The following TACR3 variants were observed in gnomAD, a reference collection of about 807,000 sequenced individuals.
TACR3 encodes tachykinin receptor 3.
A neutral mutation model predicts 35.0 loss-of-function variants in TACR3; 34 were observed. That is an observed-to-expected ratio of 0.97 (90% CI 0.74 to 1.30). The LOEUF is 1.30. TACR3 is among the 50% of genes most tolerant of loss of function. TACR3 has a pLI of 0.00. For synonymous variants in TACR3, 233 were observed against 221.1 expected, an observed-to-expected ratio of 1.05 and a Z score of -0.48; for missense variants, 558 against 591.7, an observed-to-expected ratio of 0.94 and a Z score of 0.59.
intron 3 of TACR3, 120 bp downstream of exon 3, chr4:103,656,074 A>T (rs1188686237): frequency 5.5e-6 from 7 of 1,261,442 alleles, no homozygotes; most frequent in Non-Finnish European, 7.9e-6. Context: ...TAAAACAAAG[A>T]CATTAAAAAC....
chr4:103,715,692 A>G (rs974602830), intron 1 of TACR3, among the ~76,000 whole-genome samples: 5 of 152,206 alleles, frequency 3.3e-5, no homozygotes, highest in African/African-American at 1.2e-4. Flanking sequence ...ATGTTATAAT[A>G]AAACTTCCTA....
At chr4:103,660,711 A>G (rs372263865) in intron 1 of TACR3, among the ~76,000 whole-genome samples, 31 of 152,102 alleles carry the variant, frequency 2.0e-4, no homozygotes, top group African/African-American at 7.5e-4. Flanking sequence ...GCTTACAGAA[A>G]GAGAAAAGAA....
At chr4:103,603,960 AC>A (rs1390936918) in intron 3 of TACR3, among the ~76,000 whole-genome samples, 1 of 152,220 alleles carries the variant, frequency 6.6e-6, no homozygotes, top group African/African-American at 2.4e-5. Context: ...AAATGGCCAT[AC>A]TGCCCAAAGT....
At chr4:103,619,405 G>A (rs1029078052) in intron 3 of TACR3, among the ~76,000 whole-genome samples, 1 of 152,134 alleles carries the variant, frequency 6.6e-6, no homozygotes, top group African/African-American at 2.4e-5. Flanking sequence ...GGCCAGGCTG[G>A]TCTTGAACTC....
chr4:103,682,268 T>G (rs1051204919), intron 1 of TACR3, among the ~76,000 whole-genome samples: 1 of 151,956 alleles, frequency 6.6e-6, no homozygotes, highest in Non-Finnish European at 1.5e-5. Context: ...TGTAGCTGGG[T>G]GTATTAGTCT....
Position 103,647,007 on chromosome 4 carries a change from T to C in TACR3, c.888+9187A>G, listed in dbSNP as rs528940869. Among the ~76,000 whole-genome samples the C allele has an allele frequency of 5.3e-5, 8 of 152,080 alleles. No individual in the cohort carries two copies. In the South Asian group the frequency reaches 1.0e-3, roughly 20 times the overall value. On this transcript the variant is annotated intron_variant, in intron 3 of 4. Coordinates refer to ENST00000304883, the MANE Select transcript of TACR3 (RefSeq NM_001059.3). ...GAAATCTGTTAGCCCCTCTACTCAT[T>C]TCCTCCTTACAGTCTTCGATTTTAG...
Position 103,656,328 on chromosome 4 carries a change from T to C in TACR3, c.754A>G (p.Ile252Val). ...AATGGGAAACAGTACACCAGTATAATGACGATAATATGGTAACTATGAAAA... is the reference window on the plus strand; with the variant it reads ...AATGGGAAACAGTACACCAGTATAACGACGATAATATGGTAACTATGAAAA... ...KQHFTYHIIVIILVYCFPLLI... is the reference protein window; with the variant it reads ...KQHFTYHIIVVILVYCFPLLI... The change falls in exon 3 of 5, where the codon ATT (isoleucine) becomes GTT (valine). Residue 252 changes from isoleucine to valine, a missense_variant. Coordinates refer to ENST00000304883, the MANE Select transcript of TACR3 (RefSeq NM_001059.3). The C allele has an allele frequency of 1.2e-6, 2 of 1,612,590 alleles. No individual in the cohort carries two copies. The highest frequency in any genetic ancestry group is 1.7e-6 in the Non-Finnish European group (2 of 1,178,978).
Position 103,658,295 on chromosome 4 carries a change from A to C in TACR3, c.657T>G (p.Cys219Trp). Reference sequence around the variant, plus strand: ...GCATGACTTTGGTTTTGGAATAAAGACACTGAGGGAAGGCAAGTAGAAATG... The same window carrying C: ...GCATGACTTTGGTTTTGGAATAAAGCCACTGAGGGAAGGCAAGTAGAAATG... ...ILAFLLAFPQ[C>W]LYSKTKVMPG... Residue 219 changes from cysteine to tryptophan, a missense_variant, in exon 2 of 5, where the codon TGT (cysteine) becomes TGG (tryptophan). By Grantham distance (215) the Cys-to-Trp change is radical. Transcript: ENST00000304883. The C allele has an allele frequency of 6.2e-7, 1 of 1,613,986 alleles. No homozygotes were observed. Among genetic ancestry groups the C allele is most frequent in the Non-Finnish European group, 8.5e-7 (1 of 1,179,934 alleles).
intron 3 of TACR3, among the ~76,000 whole-genome samples, chr4:103,645,728 A>G (rs1183319028): frequency 3.9e-5 from 6 of 152,008 alleles, no homozygotes; most frequent in Non-Finnish European, 8.8e-5. Flanking sequence ...AGAAAAGGCA[A>G]ATATCCATAT....
Position 103,656,331 on chromosome 4 carries a change from C to T in TACR3, c.751G>A (p.Val251Ile), listed in dbSNP as rs758147513. ...PKQHFTYHII[V>I]IILVYCFPLL... is the part of the protein sequence containing the mutation. ...GGGAAACAGTACACCAGTATAATGA[C>T]GATAATATGGTAACTATGAAAAATA... Residue 251 changes from valine (V) to isoleucine (I), a missense_variant, in exon 3 of 5, where the codon GTC (valine) becomes ATC (isoleucine). Transcript: ENST00000304883. 31 of 1,612,014 alleles carry T rather than the reference C, an allele frequency of 1.9e-5. No individual in the cohort carries two copies. Among genetic ancestry groups the T allele is most frequent in the Admixed American group, 6.7e-5 (4 of 59,874 alleles).
intron 1 of TACR3, among the ~76,000 whole-genome samples, chr4:103,698,960 A>T (rs751989827): frequency 3.3e-5 from 5 of 152,168 alleles, no homozygotes; most frequent in Non-Finnish European, 5.9e-5. Context: ...AATTAAAAAT[A>T]AACAAAAACA....
intron 3 of TACR3, among the ~76,000 whole-genome samples, chr4:103,651,889 C>T (rs1212404387): frequency 6.6e-6 from 1 of 151,966 alleles, no homozygotes; most frequent in Non-Finnish European, 1.5e-5. Context: ...TGTCATCCTG[C>T]ACCTAGAACC....
chr4:103,637,810 C>A (rs1392288242), intron 3 of TACR3, among the ~76,000 whole-genome samples: 1 of 151,962 alleles, frequency 6.6e-6, no homozygotes, highest in Non-Finnish European at 1.5e-5. Flanking sequence ...AAACAGAGAG[C>A]CAAATCATGA....
At chr4:103,643,429 AAGAGAGAGAG>A (rs138415563) in intron 3 of TACR3, among the ~76,000 whole-genome samples, 60 of 148,638 alleles carry the variant, frequency 4.0e-4, no homozygotes, top group African/African-American at 1.0e-3. Flanking sequence ...GTCTAAAAAA[AAGAGAGAGAG>A]AGAGAGAGAG....
At chr4:103,656,378 C>T (rs370674323) in intron 2 of TACR3, 34 bp from the exon 3 acceptor site, 9 of 1,603,514 alleles carry the variant, frequency 5.6e-6, no homozygotes, top group Non-Finnish European at 7.7e-6. Flanking sequence ...TGCTGAAGAC[C>T]TTATTGGAAT....
At chr4:103,629,089 GC>G (rs1483261011) in intron 3 of TACR3, among the ~76,000 whole-genome samples, 2 of 152,006 alleles carry the variant, frequency 1.3e-5, no homozygotes, top group East Asian at 3.9e-4. Context: ...AAATTCAACA[GC>G]CCTTCATGCT....
rs116270355 is a variant in TACR3, at chr4:103,686,729, T to G, written c.549-28326A>C. On this transcript the variant is annotated intron_variant, in intron 1 of 4. Coordinates refer to ENST00000304883, the MANE Select transcript of TACR3 (RefSeq NM_001059.3). The stretch of plus-strand genomic sequence containing the variant: ...GAAGTTGGACTTAGCAGAGAGAGAT[T>G]TCAATGCAGCCACCATTAATACGTT... Among the ~76,000 whole-genome samples the G allele has an allele frequency of 5.9e-3, 894 of 152,210 alleles. 7 individuals carry two copies. The highest frequency in any genetic ancestry group is 0.021 in the African/African-American group (855 of 41,548).
At chr4:103,626,501 G>A (rs545229005) in intron 3 of TACR3, among the ~76,000 whole-genome samples, 2 of 152,266 alleles carry the variant, frequency 1.3e-5, no homozygotes, top group East Asian at 1.9e-4. Context: ...CAGAATGGGA[G>A]GCTTGCAGGA....
At chr4:103,679,664 C>A (rs1000875423) in intron 1 of TACR3, among the ~76,000 whole-genome samples, 1 of 151,782 alleles carries the variant, frequency 6.6e-6, no homozygotes, top group African/African-American at 2.4e-5. Flanking sequence ...TTATGAGACA[C>A]CCCCTTTAAA....
Sources: gnomAD v4.1 joint callset for allele counts (sites outside exome capture counted in the v4.1 genomes callset) on GRCh38, gnomAD v4.1.1 for gene constraint, MANE v1.5 for transcripts, NCBI Gene and HGNC (gene_info 2026-07-23, HGNC 2026-07-21) for gene names.